The following UBE4A variants were observed in gnomAD, a reference collection of about 807,000 sequenced individuals.
UBE4A encodes the protein ubiquitin conjugation factor E4 A.
In UBE4A, 48 loss-of-function variants were observed where a neutral mutation model predicts 117.9. The ratio of observed to expected loss-of-function variants is 0.41; its 90% CI spans 0.32 to 0.52. The LOEUF is 0.52. Ranked by LOEUF, UBE4A falls within the 20% of genes least tolerant of loss-of-function variation. The pLI, the probability that UBE4A is intolerant of heterozygous loss-of-function variation, is 0.33. For synonymous variants in UBE4A, 407 were observed against 450.0 expected (o/e 0.90, Z 1.21); for missense variants, 1,067 against 1,296.3 (o/e 0.82, Z 2.72).
chr11:118,379,512 T>C lies in UBE4A; in HGVS notation c.1638T>C (p.Ala546=). The part of the protein sequence containing the change: ...LHRLQVAWRD[A]QQSSSPAADN... ...GGCTGCAGGTTGCCTGGCGGGATGCTCAGCAAAGTTCTAGCCCTGCTGCTG... is the reference window on the plus strand; with the variant it reads ...GGCTGCAGGTTGCCTGGCGGGATGCCCAGCAAAGTTCTAGCCCTGCTGCTG... The change falls in exon 11 of 20, where the codon GCT becomes GCC. Residue 546 remains alanine (A), a synonymous_variant. Coordinates refer to ENST00000252108, the MANE Select transcript of UBE4A (RefSeq NM_001204077.2). 2 of 1,614,198 alleles carry C rather than the reference T, an allele frequency of 1.2e-6. No individual in the cohort carries two copies. The highest frequency in any genetic ancestry group is 1.7e-6 in the Non-Finnish European group (2 of 1,180,010).
At chr11:118,367,437 A>G (rs1014832290) in intron 2 of UBE4A, among the ~76,000 whole-genome samples, 3 of 152,122 alleles carry the variant, frequency 2.0e-5, no homozygotes, top group Non-Finnish European at 4.4e-5. Context: ...TGAAGATTCA[A>G]ACAGGCACTC....
chr11:118,389,592 T>TA, intron 16 of UBE4A, 133 bp from the exon 17 acceptor site: 7 of 906,656 alleles, frequency 7.7e-6, no homozygotes, highest in Non-Finnish European at 9.0e-6. Flanking sequence ...CTTAGTTTTT[T>TA]AAAAAAGTAG....
intron 16 of UBE4A, among the ~76,000 whole-genome samples, chr11:118,388,867 G>A (rs1454279939): frequency 1.3e-5 from 2 of 152,062 alleles, no homozygotes; most frequent in Non-Finnish European, 2.9e-5. Flanking sequence ...ACTTTGGGAG[G>A]CCAAGGCAGG....
At chr11:118,380,834 T>A (rs941472513) in intron 11 of UBE4A, among the ~76,000 whole-genome samples, 1 of 152,212 alleles carries the variant, frequency 6.6e-6, no homozygotes, top group East Asian at 1.9e-4. Context: ...TTCTAAATAC[T>A]ACTCATGATA....
In UBE4A at chr11:118,379,569, G is replaced by T; in HGVS notation, c.1695G>T (p.Met565Ile). 1 of 1,614,178 alleles carries T rather than the reference G, an allele frequency of 6.2e-7. No homozygotes were observed. The highest frequency in any genetic ancestry group is 8.5e-7 in the Non-Finnish European group (1 of 1,180,036). Residue 565 changes from methionine (M) to isoleucine (I), a missense_variant, in exon 11 of 20, where the codon ATG (methionine) becomes ATT (isoleucine). By Grantham distance (10) the Met-to-Ile change is conservative. Coordinates refer to ENST00000252108, the MANE Select transcript of UBE4A (RefSeq NM_001204077.2). ...TTCGTGAGCAGTTTGAACGACTGAT[G>T]ACCATCTATCTTTCTACCAAGACTG... The part of the protein sequence containing the change: ...DNLREQFERL[M>I]TIYLSTKTAM...
Position 118,389,886 on chromosome 11 carries a change from A to G in UBE4A, c.2749A>G (p.Thr917Ala), listed in dbSNP as rs782301364. 1.9e-6 allele frequency: 3 copies of G among 1,604,704 alleles called. No individual in the cohort carries two copies. The highest frequency in any genetic ancestry group is 1.7e-5 in the Admixed American group (1 of 59,896). ...KPQQLVSDICTIYLNLGDEEN... is the reference protein window; with the variant it reads ...KPQQLVSDICAIYLNLGDEEN... ...CCAGCAGCTTGTATCAGATATCTGC[A>G]CTATCTACTTAAATCTTGGGTACCT... The change falls in exon 17 of 20, where the codon ACT becomes GCT. Residue 917 changes from threonine (T) to alanine (A), a missense_variant. This residue lies in a region of UBE4A where 1,001 missense variants were observed against 1,184.0 expected (regional missense o/e 0.85). Transcript: ENST00000252108.
chr11:118,366,884 C>A (rs1057247904), intron 2 of UBE4A, among the ~76,000 whole-genome samples: 2 of 152,122 alleles, frequency 1.3e-5, no homozygotes, highest in Non-Finnish European at 2.9e-5. Flanking sequence ...GCCTGGCCAA[C>A]ATGACAAAAC....
chr11:118,397,265 C>G lies in UBE4A; in HGVS notation c.*825C>G, dbSNP rs1285305254. ...AGACACTAATATCAACAGTATATCT[C>G]AGTGTGTGAGATATATAAATACACA... On this transcript the variant is annotated 3_prime_UTR_variant, in exon 20 of 20. Transcript: ENST00000252108. 4 of 152,236 alleles carry G rather than the reference C, an allele frequency of 2.6e-5. No individual in the cohort carries two copies. Among genetic ancestry groups the G allele is most frequent in the African/African-American group, 9.6e-5 (4 of 41,544 alleles). 9.4% of individuals were successfully genotyped at this position (152,236 alleles called of 1,614,324 possible).
chr11:118,392,666 GCT>G, intron 18 of UBE4A, 70 bp from the exon 19 acceptor site: 1 of 1,458,578 alleles, frequency 6.9e-7, no homozygotes, highest in Non-Finnish European at 9.4e-7. Context: ...ATGGAGTCTT[GCT>G]CTGTCATTGA....
chr11:118,370,537 C>A (rs1343891562), intron 4 of UBE4A, among the ~76,000 whole-genome samples: 1 of 151,664 alleles, frequency 6.6e-6, no homozygotes, highest in Non-Finnish European at 1.5e-5. Flanking sequence ...GGGAGGATTG[C>A]TTGAGCCTGG....
intron 5 of UBE4A, among the ~76,000 whole-genome samples, chr11:118,372,134 A>C (rs1482814928): frequency 6.6e-6 from 1 of 152,186 alleles, no homozygotes; most frequent in African/African-American, 2.4e-5. Context: ...ACACATTTAT[A>C]ATCCCAGCTA....
Position 118,396,605 on chromosome 11 carries a change from T to A in UBE4A, c.*165T>A. The A allele has an allele frequency of 2.6e-6, 2 of 772,056 alleles. No individual in the cohort carries two copies. Among genetic ancestry groups the A allele is most frequent in the Non-Finnish European group, 3.7e-6 (2 of 539,062 alleles). 47.8% of individuals were successfully genotyped at this position (772,056 alleles called of 1,614,324 possible). A position where few individuals can be genotyped will look rare whatever the true frequency, so the allele number is the denominator to read the frequency against. On this transcript the variant is annotated 3_prime_UTR_variant, in exon 20 of 20. Transcript: ENST00000252108. ...CTGCTCTTGCTGAAATTATGATAGT[T>A]AAGATTCCTAAGAACTTGACAATGC...
At chr11:118,387,222 A>G (rs1948767829) in intron 16 of UBE4A, among the ~76,000 whole-genome samples, 1 of 152,236 alleles carries the variant, frequency 6.6e-6, no homozygotes, top group African/African-American at 2.4e-5. Flanking sequence ...TCTAATGTGA[A>G]AAACAAATAG....
At chr11:118,392,188 G>T (rs1268369361) in intron 18 of UBE4A, among the ~76,000 whole-genome samples, 2 of 152,164 alleles carry the variant, frequency 1.3e-5, no homozygotes, top group African/African-American at 4.8e-5. Flanking sequence ...CCTCTATTGA[G>T]TTTCTTTTTT....
intron 18 of UBE4A, among the ~76,000 whole-genome samples, chr11:118,391,253 C>A (rs911848742): frequency 2.0e-5 from 3 of 152,046 alleles, no homozygotes; most frequent in Non-Finnish European, 4.4e-5. Context: ...TTTTGGGAAG[C>A]CAGGGTGGGC....
intron 18 of UBE4A, 29 bp downstream of exon 18, chr11:118,390,833 T>C (rs538593766): frequency 4.4e-6 from 7 of 1,605,548 alleles, no homozygotes; most frequent in African/African-American, 4.0e-5. Context: ...TGTTTGCTGA[T>C]TTCATTAAGA....
chr11:118,384,037 A>G (rs1948731970), intron 13 of UBE4A, among the ~76,000 whole-genome samples: 1 of 152,218 alleles, frequency 6.6e-6, no homozygotes, highest in Admixed American at 6.5e-5. Context: ...GAAGAAGATT[A>G]AGAGACTTAG....
At chr11:118,365,677 C>T (rs1948557161) in intron 2 of UBE4A, among the ~76,000 whole-genome samples, 1 of 152,200 alleles carries the variant, frequency 6.6e-6, no homozygotes. Context: ...TTCTTAAGCT[C>T]AGCACTTCAA....
intron 16 of UBE4A, among the ~76,000 whole-genome samples, chr11:118,387,316 A>C (rs1948768626): frequency 6.6e-6 from 1 of 152,216 alleles, no homozygotes; most frequent in Non-Finnish European, 1.5e-5. Flanking sequence ...AAACAAGAAC[A>C]AAGAGGCAAT....
Sources: gnomAD v4.1 joint callset for allele counts (sites outside exome capture counted in the v4.1 genomes callset) on GRCh38, gnomAD v4.1.1 for gene constraint, gnomAD v4.1.1 regional missense constraint, MANE v1.5 for transcripts, NCBI Gene and HGNC (gene_info 2026-07-23, HGNC 2026-07-21) for gene names.